NPSR1: variants seen among roughly 807,000 people sequenced by gnomAD.
NPSR1 encodes the protein neuropeptide S receptor 1.
In NPSR1, 48 loss-of-function variants were observed where a neutral mutation model predicts 46.9. That is an observed-to-expected ratio of 1.02 (90% CI 0.81 to 1.30). NPSR1 has a LOEUF of 1.30. NPSR1 is among the 50% of genes most tolerant of loss of function. The pLI is 0.00. For missense variants in NPSR1, 450 were observed against 449.5 expected, an observed-to-expected ratio of 1.00 and a Z score of -0.01; for synonymous variants, 176 against 168.1, an observed-to-expected ratio of 1.05 and a Z score of -0.36.
chr7:34,750,217 C>T, intron 2 of NPSR1: 1 of 568,476 alleles, frequency 1.8e-6, no homozygotes, highest in Non-Finnish European at 3.3e-6. Flanking sequence ...AGTTACCCTG[C>T]ACAGGGAGGA....
At chr7:34,799,009 A>T (rs1233811287) in intron 3 of NPSR1, among the ~76,000 whole-genome samples, 2 of 152,174 alleles carry the variant, frequency 1.3e-5, no homozygotes, top group Admixed American at 1.3e-4. Context: ...AAATAAAAAA[A>T]TGTGATATTA....
Position 34,856,091 on chromosome 7 carries a change from A to G in NPSR1, c.1025+7428A>G, listed in dbSNP as rs149439987. On this transcript the variant is annotated intron_variant, in intron 8 of 8. Coordinates refer to the NPSR1 transcript ENST00000359791. Reference sequence around the variant, plus strand: ...GAAGATGTTCCTTTTGAAATAAAGAATGAGTGAAGAATGCCAGCATCAACA... The same window carrying G: ...GAAGATGTTCCTTTTGAAATAAAGAGTGAGTGAAGAATGCCAGCATCAACA... 9.8e-5 allele frequency among the ~76,000 whole-genome samples: 15 copies of G among 152,296 alleles called. No individual in the cohort carries two copies. The East Asian group carries it at 2.7e-3, about 27-fold the overall frequency.
At chr7:34,747,129 CAAA>C (rs5883471) in intron 2 of NPSR1, among the ~76,000 whole-genome samples, 5 of 106,960 alleles carry the variant, frequency 4.7e-5, no homozygotes, top group Admixed American at 9.8e-5. Context: ...ACCAAAAAAA[CAAA>C]AAAAAAAAAA....
At chr7:34,772,225 A>G (rs1786718033) in intron 2 of NPSR1, among the ~76,000 whole-genome samples, 1 of 152,206 alleles carries the variant, frequency 6.6e-6, no homozygotes, top group Admixed American at 6.5e-5. Context: ...CAATATTCAG[A>G]AAGCAATTAA....
At chr7:34,792,665 TTATATATATGTATA>T (rs1375681125) in intron 3 of NPSR1, among the ~76,000 whole-genome samples, 6 of 78,766 alleles carry the variant, frequency 7.6e-5, no homozygotes, top group East Asian at 4.8e-4. Context: ...ATATATATAT[TTATATATATGTATA>T]TATATATATG....
intron 8 of NPSR1, among the ~76,000 whole-genome samples, chr7:34,868,290 C>A (rs1046661887): frequency 6.6e-6 from 1 of 151,572 alleles, no homozygotes; most frequent in Non-Finnish European, 1.5e-5. Context: ...AGGGACCAGG[C>A]AGCAGCCCCA....
chr7:34,670,331 A>G (rs1240858974), intron 1 of NPSR1, among the ~76,000 whole-genome samples: 1 of 152,112 alleles, frequency 6.6e-6, no homozygotes, highest in African/African-American at 2.4e-5. Flanking sequence ...ATATGAACTT[A>G]ATGTTACAAA....
intron 8 of NPSR1, among the ~76,000 whole-genome samples, chr7:34,876,013 G>A (rs569878526): frequency 1.3e-5 from 2 of 152,296 alleles, no homozygotes; most frequent in South Asian, 4.1e-4. Context: ...CTCTCCTCAA[G>A]GAAAAGGGTG....
chr7:34,790,842 T>TATGTTATATGTTATATTATACATC (rs1466040309), intron 3 of NPSR1, among the ~76,000 whole-genome samples: 1 of 131,514 alleles, frequency 7.6e-6, no homozygotes, highest in East Asian at 2.1e-4. Flanking sequence ...TTATGTTATA[T>TATGTTATATGTTATATTATACATC]ATATGTTATA....
At chr7:34,764,990 C>A (rs34318081) in intron 2 of NPSR1, among the ~76,000 whole-genome samples, 2,853 of 152,226 alleles carry the variant, frequency 0.019, 35 homozygotes, top group Non-Finnish European at 0.028. Flanking sequence ...ACAGGCACAG[C>A]TGAAAGCAGA....
intron 7 of NPSR1, among the ~76,000 whole-genome samples, chr7:34,845,808 C>CGAATGAAT (rs748560161): frequency 1.5e-4 from 23 of 151,990 alleles, no homozygotes; most frequent in Admixed American, 1.4e-3. Context: ...TAACATTTGT[C>CGAATGAAT]GAATGAATGA....
At chr7:34,679,694 A>G (rs1792516086) in intron 1 of NPSR1, among the ~76,000 whole-genome samples, 1 of 152,164 alleles carries the variant, frequency 6.6e-6, no homozygotes, top group Admixed American at 6.5e-5. Flanking sequence ...ACTTACTGTA[A>G]GTTATGTAAT....
chr7:34,793,184 C>G (rs1162367793), intron 3 of NPSR1, among the ~76,000 whole-genome samples: 2 of 151,710 alleles, frequency 1.3e-5, no homozygotes, highest in Non-Finnish European at 2.9e-5. Context: ...GCACAGGCAA[C>G]AAAAGCAAAA....
chr7:34,731,957 G>A (rs180733656), intron 2 of NPSR1, among the ~76,000 whole-genome samples: 1 of 151,910 alleles, frequency 6.6e-6, no homozygotes, highest in East Asian at 1.9e-4. Flanking sequence ...AAGGCGGGCA[G>A]ATCACCTAAG....
intron 2 of NPSR1, among the ~76,000 whole-genome samples, chr7:34,747,942 T>C (rs1785296661): frequency 6.6e-6 from 1 of 152,196 alleles, no homozygotes; most frequent in East Asian, 1.9e-4. Flanking sequence ...GCCTTCTTTA[T>C]ATGGGGACCG....
intron 2 of NPSR1, among the ~76,000 whole-genome samples, chr7:34,737,257 G>A (rs1036611938): frequency 3.9e-5 from 6 of 151,998 alleles, no homozygotes; most frequent in South Asian, 2.1e-4. Flanking sequence ...CTAGATCTTC[G>A]CTCCAAAAAT....
rs1452876939 is a variant in NPSR1, at chr7:34,703,274, G to A, written c.280+18590G>A. ...TAGTCCCAGCTACTCCAGAGGCTGAGGCGGGAGAATGGCGTGAACCCGGGA... is the reference window on the plus strand; with the variant it reads ...TAGTCCCAGCTACTCCAGAGGCTGAAGCGGGAGAATGGCGTGAACCCGGGA... On this transcript the variant is annotated intron_variant, in intron 2 of 8. Transcript: ENST00000360581. Among the ~76,000 whole-genome samples the A allele has an allele frequency of 2.0e-5, 3 of 152,224 alleles. 1 individual carries two copies. Among genetic ancestry groups the A allele is most frequent in the South Asian group, 4.1e-4 (2 of 4,830 alleles).
chr7:34,679,631 C>T (rs765152753), intron 1 of NPSR1, among the ~76,000 whole-genome samples: 3 of 152,038 alleles, frequency 2.0e-5, no homozygotes, highest in East Asian at 1.9e-4. Context: ...CCTGCTAGTT[C>T]GTTTCACTTA....
downstream of NPSR1, among the ~76,000 whole-genome samples, chr7:34,853,841 C>A (rs1435284362): frequency 6.6e-6 from 1 of 151,956 alleles, no homozygotes; most frequent in Non-Finnish European, 1.5e-5. Flanking sequence ...GGCGGGCCGC[C>A]TGTAATCTCA....
Sources: gnomAD v4.1 joint callset for allele counts (sites outside exome capture counted in the v4.1 genomes callset) on GRCh38, gnomAD v4.1.1 for gene constraint, MANE v1.5 for transcripts, NCBI Gene and HGNC (gene_info 2026-07-23, HGNC 2026-07-21) for gene names.